Variants in CFAP61 observed in about 807,000 individuals in gnomAD.
CFAP61 encodes the protein cilia and flagella associated protein 61.
In CFAP61, 107 loss-of-function variants were observed where a neutral mutation model predicts 135.6. That is an observed-to-expected ratio of 0.79 (90% CI 0.67 to 0.93). The LOEUF (loss-of-function observed/expected upper bound fraction) is 0.93. Among genes scored for constraint, CFAP61 ranks in the 40% least tolerant of loss-of-function variants. CFAP61 has a pLI of 0.00. For synonymous variants in CFAP61, 575 were observed against 578.5 expected (o/e 0.99, Z 0.09); for missense variants, 1,507 against 1,556.2 (o/e 0.97, Z 0.53).
At chr20:20,135,753 T>C (rs1413141727) in intron 8 of CFAP61, among the ~76,000 whole-genome samples, 2 of 152,220 alleles carry the variant, frequency 1.3e-5, no homozygotes, top group African/African-American at 4.8e-5. Context: ...TTCATCTTTC[T>C]ACTTATGAGT....
In CFAP61 at chr20:20,360,257, T is replaced by G. The variant is rs1284369958; in HGVS notation, c.3561T>G (p.Asp1187Glu). The change falls in exon 27 of 27, where the codon GAT (aspartate) becomes GAG (glutamate). Residue 1187 changes from aspartate to glutamate, a missense_variant. By Grantham distance (45) the Asp-to-Glu change is conservative (BLOSUM62 2). Transcript: ENST00000245957. ...AGCAGTTAGCCCATCAAATAGAAGA[T>G]GAGGAAATCAACCCGACTGAGAAGC... ...SIEQLAHQIE[D>E]EEINPTEKPR... is the part of the protein sequence containing the mutation. 6.2e-7 allele frequency: 1 copy of G among 1,613,886 alleles called. No individual in the cohort carries two copies. Among genetic ancestry groups the G allele is most frequent in the Non-Finnish European group, 8.5e-7 (1 of 1,179,992 alleles).
chr20:20,330,518 G>T (rs775705484), intron 25 of CFAP61, among the ~76,000 whole-genome samples: 1 of 151,990 alleles, frequency 6.6e-6, no homozygotes, highest in Non-Finnish European at 1.5e-5. Context: ...GTATTTTTTT[G>T]TAGAGACAGG....
intron 24 of CFAP61, among the ~76,000 whole-genome samples, chr20:20,295,260 G>A (rs561087382): frequency 6.6e-6 from 1 of 152,296 alleles, no homozygotes; most frequent in South Asian, 2.1e-4. Flanking sequence ...GATTTAGTGA[G>A]ACTCTTGGCA....
chr20:20,144,752 A>G (rs1425504823), intron 9 of CFAP61, among the ~76,000 whole-genome samples: 2 of 152,158 alleles, frequency 1.3e-5, no homozygotes, highest in East Asian at 3.8e-4. Flanking sequence ...TGATAAAGAG[A>G]AAATCTTAAA....
chr20:20,052,745 C>T, intron 1 of CFAP61, 154 bp downstream of exon 1: 1 of 1,574,610 alleles, frequency 6.4e-7, no homozygotes, highest in Non-Finnish European at 8.6e-7. Flanking sequence ...AAGAACGGAG[C>T]TCCAATCTGG....
chr20:20,113,082 T>C (rs713258), intron 8 of CFAP61, among the ~76,000 whole-genome samples: 14,842 of 152,216 alleles, frequency 0.098, 1,539 homozygotes, highest in East Asian at 0.6. Context: ...TACAGCCTCA[T>C]ATAGGATCAG....
intron 8 of CFAP61, chr20:20,107,803 A>C (rs1317807079): frequency 6.6e-6 from 1 of 151,716 alleles, no homozygotes; most frequent in Non-Finnish European, 1.5e-5. Context: ...TAATTTTTAC[A>C]TTTTTTTGGA....
intron 9 of CFAP61, among the ~76,000 whole-genome samples, chr20:20,146,000 C>T (rs757695608): frequency 7.9e-5 from 12 of 152,166 alleles, no homozygotes; most frequent in Non-Finnish European, 1.2e-4. Context: ...AGCCTTGCCC[C>T]ACCTCCTGGC....
chr20:20,062,703 A>G (rs1338316212), intron 2 of CFAP61, among the ~76,000 whole-genome samples: 2 of 152,232 alleles, frequency 1.3e-5, no homozygotes, highest in Non-Finnish European at 2.9e-5. Context: ...ATAAAAGGGC[A>G]TTATAGATCC....
intron 11 of CFAP61, among the ~76,000 whole-genome samples, chr20:20,164,925 G>A (rs918049511): frequency 6.6e-6 from 1 of 152,160 alleles, no homozygotes; most frequent in Non-Finnish European, 1.5e-5. Flanking sequence ...AGTGAAAGGG[G>A]TTTCCCCTTA....
intron 2 of CFAP61, among the ~76,000 whole-genome samples, chr20:20,070,409 G>A (rs1309824435): frequency 6.6e-6 from 1 of 152,088 alleles, no homozygotes; most frequent in Non-Finnish European, 1.5e-5. Context: ...ATCCTAGTTT[G>A]CCCAGGACTT....
intron 14 of CFAP61, among the ~76,000 whole-genome samples, chr20:20,190,288 A>G (rs1468915773): frequency 6.6e-6 from 1 of 152,248 alleles, no homozygotes; most frequent in East Asian, 1.9e-4. Flanking sequence ...AAAGGAATGA[A>G]CTCTTGATAC....
At chr20:20,182,140 C>A (rs2055146892) in intron 13 of CFAP61, among the ~76,000 whole-genome samples, 1 of 152,156 alleles carries the variant, frequency 6.6e-6, no homozygotes. Flanking sequence ...ATTTTATAAA[C>A]CCTCAATGAA....
intron 17 of CFAP61, among the ~76,000 whole-genome samples, chr20:20,214,629 A>G (rs1569142251): frequency 6.6e-6 from 1 of 152,244 alleles, no homozygotes; most frequent in Non-Finnish European, 1.5e-5. Flanking sequence ...CTGAAGATGC[A>G]TGGTCTTGAC....
chr20:20,208,940 T>TG (rs1012404717), intron 17 of CFAP61, among the ~76,000 whole-genome samples: 10 of 151,968 alleles, frequency 6.6e-5, no homozygotes, highest in African/African-American at 2.2e-4. Flanking sequence ...CTCTTTGGGG[T>TG]GGGGGGGCAT....
At chr20:20,198,380 T>TA (rs764794766) in intron 16 of CFAP61, among the ~76,000 whole-genome samples, 1 of 152,238 alleles carries the variant, frequency 6.6e-6, no homozygotes, top group Non-Finnish European at 1.5e-5. Flanking sequence ...ATAAAAATAA[T>TA]ACCTTGGGCA....
intron 13 of CFAP61, among the ~76,000 whole-genome samples, chr20:20,179,233 C>G (rs1306448831): frequency 6.6e-6 from 1 of 152,102 alleles, no homozygotes; most frequent in African/African-American, 2.4e-5. Context: ...ATACACCAAC[C>G]ACAGTCAAGC....
intron 8 of CFAP61, among the ~76,000 whole-genome samples, chr20:20,121,619 C>T (rs181130787): frequency 7.6e-4 from 116 of 152,148 alleles, no homozygotes; most frequent in African/African-American, 2.5e-3. Flanking sequence ...CTCGGCCTCC[C>T]GAGTAACTGG....
chr20:20,298,147 A>C (rs756026466), intron 24 of CFAP61, 34 bp from the exon 25 acceptor site: 1 of 1,443,724 alleles, frequency 6.9e-7, no homozygotes, highest in South Asian at 1.1e-5. Flanking sequence ...GAATGTTTCT[A>C]ATGTTGTTTT....
Sources: allele counts gnomAD v4.1 joint callset (sites outside exome capture counted in the v4.1 genomes callset), GRCh38; gene constraint gnomAD v4.1.1; transcripts MANE v1.5; gene names NCBI Gene and HGNC (gene_info 2026-07-23, HGNC 2026-07-21).